The following TXNRD1 variants were observed in gnomAD, a reference collection of about 807,000 sequenced individuals.
The protein encoded by TXNRD1 is thioredoxin reductase 1.
TXNRD1 carries 57 observed loss-of-function variants against 80.3 expected under a neutral mutation model. That is an observed-to-expected ratio of 0.71 (90% CI 0.57 to 0.89). The LOEUF (loss-of-function observed/expected upper bound fraction) is 0.89, where lower values mean the gene tolerates loss of function less well. Among genes scored for constraint, TXNRD1 ranks in the 40% least tolerant of loss-of-function variants. TXNRD1 has a pLI of 0.00. For synonymous variants in TXNRD1, 291 were observed against 285.2 expected, an observed-to-expected ratio of 1.02 and a Z score of -0.20; for missense variants, 730 against 803.0, an observed-to-expected ratio of 0.91 and a Z score of 1.10.
chr12:104,314,428 C>T (rs1404618511), intron 6 of TXNRD1, among the ~76,000 whole-genome samples: 4 of 152,162 alleles, frequency 2.6e-5, no homozygotes, highest in Admixed American at 2.0e-4. Context: ...CTGTGTCAGA[C>T]ACTGCTCTTG....
chr12:104,326,394 A>T lies in TXNRD1; in HGVS notation c.1356A>T (p.Leu452Phe). 1 of 1,595,848 alleles carries T rather than the reference A, an allele frequency of 6.3e-7. No individual in the cohort carries two copies. The highest frequency in any genetic ancestry group is 1.3e-5 in the African/African-American group (1 of 74,110). ...ATGCTTGCACAAGAAAAATTGGCTTAGAAACCGTAGGGGTGAAGATAAATG... is the reference window on the plus strand; with the variant it reads ...ATGCTTGCACAAGAAAAATTGGCTTTGAAACCGTAGGGGTGAAGATAAATG... ...GRDACTRKIG[L>F]ETVGVKINEK... The change falls in exon 12 of 17, where the codon TTA becomes TTT. Residue 452 changes from leucine to phenylalanine, a missense_variant. By Grantham distance (22) the Leu-to-Phe change is conservative. Transcript: ENST00000525566.
chr12:104,253,884 G>A lies in TXNRD1; in HGVS notation c.243+2206G>A, dbSNP rs1244302055. On this transcript the variant is annotated intron_variant, in intron 2 of 16. Transcript: ENST00000525566. ...ATTTTTGTATTTTTAGTAGAGATGG[G>A]GTTTCACTATGTGGCCAGGCTGGTC... Among the ~76,000 whole-genome samples, 6 of 152,054 alleles carry A rather than the reference G, an allele frequency of 3.9e-5. No homozygotes were observed. The South Asian group carries it at 8.3e-4, about 21-fold the overall frequency.
At chr12:104,220,335 G>C (rs2032322259) in intron 1 of TXNRD1, among the ~76,000 whole-genome samples, 1 of 152,186 alleles carries the variant, frequency 6.6e-6, no homozygotes, top group South Asian at 2.1e-4. Context: ...GTAATTTAAA[G>C]TCATTACTCA....
chr12:104,292,188 A>C (rs1210880136), intron 4 of TXNRD1, among the ~76,000 whole-genome samples: 1 of 152,224 alleles, frequency 6.6e-6, no homozygotes, highest in Non-Finnish European at 1.5e-5. Flanking sequence ...GGGAGAAAGA[A>C]TCCTGCTGGA....
At chr12:104,264,502 T>C (rs1320965662) in intron 3 of TXNRD1, among the ~76,000 whole-genome samples, 2 of 152,222 alleles carry the variant, frequency 1.3e-5, no homozygotes, top group Non-Finnish European at 2.9e-5. Context: ...CATTTTGGTT[T>C]TGTCTATAAA....
At chr12:104,328,427 C>T (rs2135854976) in intron 13 of TXNRD1, among the ~76,000 whole-genome samples, 1 of 152,090 alleles carries the variant, frequency 6.6e-6, no homozygotes, top group Non-Finnish European at 1.5e-5. Context: ...TAGCTTAAAC[C>T]ACTATTCAGG....
chr12:104,319,680 A>C, intron 9 of TXNRD1, 95 bp downstream of exon 9: 1 of 928,934 alleles, frequency 1.1e-6, no homozygotes. Context: ...CTTGGGCTTC[A>C]GACAGATTTC....
chr12:104,279,582 A>T (rs1175428753), intron 3 of TXNRD1, among the ~76,000 whole-genome samples: 1 of 152,200 alleles, frequency 6.6e-6, no homozygotes, highest in Non-Finnish European at 1.5e-5. Context: ...TTGGCTTTGC[A>T]GTTAGTAATA....
chr12:104,314,171 G>A (rs952625829), intron 6 of TXNRD1, among the ~76,000 whole-genome samples: 1 of 152,182 alleles, frequency 6.6e-6, no homozygotes, highest in Non-Finnish European at 1.5e-5. Flanking sequence ...TGTCACTATT[G>A]AGGGCTTTGT....
chr12:104,303,781 C>G, intron 4 of TXNRD1: 1 of 1,268,118 alleles, frequency 7.9e-7, no homozygotes, highest in Non-Finnish European at 1.0e-6. Flanking sequence ...ACTTTCCACA[C>G]GCTGGGAGGG....
chr12:104,314,662 T>G (rs139603747), intron 6 of TXNRD1, among the ~76,000 whole-genome samples: 4 of 152,040 alleles, frequency 2.6e-5, no homozygotes, highest in Non-Finnish European at 4.4e-5. Context: ...AGGGAAGTCA[T>G]GCATCCTTTA....
At chr12:104,334,783 C>T (rs2036076613) in intron 15 of TXNRD1, among the ~76,000 whole-genome samples, 1 of 152,162 alleles carries the variant, frequency 6.6e-6, no homozygotes, top group Non-Finnish European at 1.5e-5. Context: ...AGGACCTTGG[C>T]TGCACTGCCT....
In TXNRD1 at chr12:104,327,684, C is replaced by T; in HGVS notation, c.1542+13C>T. 2 of 1,612,628 alleles carry T rather than the reference C, an allele frequency of 1.2e-6. No individual in the cohort carries two copies. Among genetic ancestry groups the T allele is most frequent in the African/African-American group, 1.3e-5 (1 of 74,762 alleles). On this transcript the variant is annotated intron_variant, in intron 13 of 16. Coordinates refer to ENST00000525566, the MANE Select transcript of TXNRD1 (RefSeq NM_001093771.3). ...TTCCACTGTCAAGGTGAGTGTTGTG[C>T]TTGTTGCCCATTAGATACTGTTGTC...
intron 1 of TXNRD1, among the ~76,000 whole-genome samples, chr12:104,237,789 C>T (rs867262556): frequency 4.6e-5 from 7 of 152,124 alleles, no homozygotes; most frequent in South Asian, 4.2e-4. Flanking sequence ...CTGAGGCAGG[C>T]GGATCATGAG....
intron 15 of TXNRD1, 110 bp from the exon 16 acceptor site, chr12:104,339,029 T>A (rs1212388020): frequency 4.2e-6 from 6 of 1,435,284 alleles, no homozygotes; most frequent in Non-Finnish European, 5.6e-6. Flanking sequence ...CTCTGGTCAT[T>A]TTTGAGTTGG....
chr12:104,309,916 T>G (rs990045644), intron 4 of TXNRD1: 2 of 1,536,032 alleles, frequency 1.3e-6, no homozygotes, highest in African/African-American at 1.4e-5. Flanking sequence ...CTTCAGTCCC[T>G]GAGCCACTAC....
rs982038707 is a variant in TXNRD1 at position 104,255,568 on chromosome 12, G to A, written c.244-2451G>A. On this transcript the variant is annotated intron_variant, in intron 2 of 16. Coordinates refer to ENST00000525566, the MANE Select transcript of TXNRD1 (RefSeq NM_001093771.3). ...ACTCCCAGCACTTTGGGAGGCCGAG[G>A]CGGGCGGATCACCTGAGGTCAGGAG... Among the ~76,000 whole-genome samples the A allele has an allele frequency of 3.3e-5, 5 of 152,168 alleles. No homozygotes were observed. In the East Asian group the frequency reaches 9.6e-4, roughly 29 times the overall value.
intron 1 of TXNRD1, among the ~76,000 whole-genome samples, chr12:104,226,457 T>C (rs1163528024): frequency 2.6e-5 from 4 of 152,326 alleles, no homozygotes; most frequent in African/African-American, 9.6e-5. Context: ...ATAATAACAG[T>C]GTAGCCTCTA....
At position 104,315,848 on chromosome 12, in the gene TXNRD1, C is replaced by G; in HGVS notation, c.682C>G (p.Gln228Glu). 2 of 1,612,318 alleles carry G rather than the reference C, an allele frequency of 1.2e-6. No homozygotes were observed. Among genetic ancestry groups the G allele is most frequent in the Non-Finnish European group, 1.7e-6 (2 of 1,178,870 alleles). ...KLMHQAALLGQALQDSRNYGW... is the reference protein window; with the variant it reads ...KLMHQAALLGEALQDSRNYGW... ...GATGCATCAAGCAGCTTTGTTAGGA[C>G]AAGCCCTGCAAGACTCTCGAAATTA... Residue 228 changes from glutamine (Q) to glutamate (E), a missense_variant, in exon 7 of 17, where the codon CAA becomes GAA. Coordinates refer to ENST00000525566, the MANE Select transcript of TXNRD1 (RefSeq NM_001093771.3).
Sources: allele counts gnomAD v4.1 joint callset (sites outside exome capture counted in the v4.1 genomes callset), GRCh38; gene constraint gnomAD v4.1.1; transcripts MANE v1.5; gene names NCBI Gene and HGNC (gene_info 2026-07-23, HGNC 2026-07-21).